The following ZBED1 variants were observed in gnomAD, a reference collection of about 807,000 sequenced individuals.
ZBED1 encodes E3 SUMO-protein ligase ZBED1.
Under a neutral mutation model 49.7 loss-of-function variants are expected in ZBED1, and 19 were observed. The ratio of observed to expected loss-of-function variants is 0.38; its 90% CI spans 0.27 to 0.56. ZBED1 has a LOEUF of 0.56. Among genes scored for constraint, ZBED1 ranks in the 20% least tolerant of loss-of-function variants. The probability of loss-of-function intolerance (pLI) is 0.70; values close to 1 mark genes in which losing one functional copy is unlikely to be tolerated. For missense variants in ZBED1, 806 were observed against 972.6 expected (o/e 0.83, Z 2.28); for synonymous variants, 439 against 440.3 (o/e 1.00, Z 0.04).
intron 1 of ZBED1, chrX:2,500,268 CCCT>C (rs2045382909): frequency 5.9e-6 from 1 of 168,718 alleles, no homozygotes; most frequent in Non-Finnish European, 1.3e-5. Flanking sequence ...CCTCTGGGCC[CCCT>C]CTGGAGACGT....
rs767431020 is a variant in ZBED1 at position 2,490,226 on chromosome X, C to T, written c.494G>A (p.Arg165Gln). Residue 165 changes from arginine (R) to glutamine (Q), a missense_variant, in exon 2 of 2, where the codon CGG becomes CAG. Physicochemically the swap from Arg to Gln is conservative, Grantham distance 43 (BLOSUM62 1). Around this residue, in one of 2 missense-constraint regions of ZBED1, gnomAD observed 749 missense variants for 861.3 expected, o/e 0.87. Coordinates refer to ENST00000652001, the MANE Select transcript of ZBED1 (RefSeq NM_001171136.2). ...GATGGCCTTGGTAGAGATGTACTTCCGGCTGGGCAGCTCATACCGGGGGTC... is the reference window on the plus strand; with the variant it reads ...GATGGCCTTGGTAGAGATGTACTTCTGGCTGGGCAGCTCATACCGGGGGTC... ...TADPRYELPS[R>Q]KYISTKAIPE... 3.6e-5 allele frequency: 58 copies of T among 1,613,948 alleles called. No individual in the cohort carries two copies. The highest frequency in any genetic ancestry group is 4.4e-5 in the Non-Finnish European group (52 of 1,179,874).
chrX:2,489,696 C>T lies in ZBED1; in HGVS notation c.1024G>A (p.Ala342Thr). 1.2e-6 allele frequency: 2 copies of T among 1,612,680 alleles called. No homozygotes were observed. Among genetic ancestry groups the T allele is most frequent in the Non-Finnish European group, 1.7e-6 (2 of 1,179,792 alleles). ...LYEKQKQQNV[A>T]HCMLVSNRVS... is the part of the protein sequence containing the mutation. ...CGGTTGCTCACCAGCATGCAGTGGG[C>T]CACGTTCTGCTGCTTCTGCTTCTCA... The change falls in exon 2 of 2, where the codon GCC becomes ACC. Residue 342 changes from alanine to threonine, a missense_variant. Ala to Thr is a moderately conservative substitution (Grantham distance 58). Coordinates refer to ENST00000652001, the MANE Select transcript of ZBED1 (RefSeq NM_001171136.2).
At chrX:2,500,330 G>T in intron 1 of ZBED1, 1 of 187,810 alleles carries the variant, frequency 5.3e-6, no homozygotes, top group Non-Finnish European at 1.1e-5. Context: ...GGTAGGGGTC[G>T]AGGTCCCTGG....
rs1362146824 is a variant in ZBED1 at position 2,490,746 on chromosome X, G to A, written c.-27C>T. The A allele has an allele frequency of 6.3e-7, 1 of 1,599,112 alleles. No homozygotes were observed. The highest frequency in any genetic ancestry group is 1.1e-5 in the South Asian group (1 of 88,796). On this transcript the variant is annotated 5_prime_UTR_variant, in exon 2 of 2. Transcript: ENST00000652001. ...GCTTCTCCACCGGAGCCTGCCTGCTGGACGGCTGCTCATGCGTGGGGACCT... is the reference window on the plus strand; with the variant it reads ...GCTTCTCCACCGGAGCCTGCCTGCTAGACGGCTGCTCATGCGTGGGGACCT...
intron 1 of ZBED1, among the ~76,000 whole-genome samples, chrX:2,491,683 C>A (rs1314235174): frequency 9.2e-5 from 14 of 152,234 alleles, no homozygotes; most frequent in African/African-American, 3.4e-4. Flanking sequence ...TGGAACGTCA[C>A]AGGTGCATCC....
chrX:2,498,813 C>T (rs923132520), intron 1 of ZBED1, among the ~76,000 whole-genome samples: 15 of 152,100 alleles, frequency 9.9e-5, no homozygotes, highest in Admixed American at 9.2e-4. Flanking sequence ...TAATCTTCTG[C>T]GAGACTCCAC....
Position 2,490,245 on chromosome X carries a change from G to A in ZBED1, c.475C>T (p.Arg159Trp), listed in dbSNP as rs372715050. ...TACTTCCGGCTGGGCAGCTCATACCGGGGGTCGGCCGTCTTCAGCAGCACC... is the reference window on the plus strand; with the variant it reads ...TACTTCCGGCTGGGCAGCTCATACCAGGGGTCGGCCGTCTTCAGCAGCACC... ...FKVLLKTADP[R>W]YELPSRKYIS... Residue 159 changes from arginine to tryptophan, a missense_variant, in exon 2 of 2, where the codon CGG becomes TGG. Coordinates refer to ENST00000652001, the MANE Select transcript of ZBED1 (RefSeq NM_001171136.2). 1.6e-5 allele frequency: 26 copies of A among 1,613,808 alleles called. No homozygotes were observed. Among genetic ancestry groups the A allele is most frequent in the Non-Finnish European group, 2.1e-5 (25 of 1,179,878 alleles).
chrX:2,489,485 G>A lies in ZBED1; in HGVS notation c.1235C>T (p.Ser412Leu), dbSNP rs778144341. The A allele has an allele frequency of 9.9e-6, 16 of 1,613,574 alleles. No individual in the cohort carries two copies. In the Admixed American group the frequency reaches 1.2e-4, roughly 12 times the overall value. Residue 412 changes from serine to leucine, a missense_variant, in exon 2 of 2, where the codon TCG (serine) becomes TTG (leucine). Physicochemically the swap from Ser to Leu is moderately radical, Grantham distance 145. Transcript: ENST00000652001. ...QPFKQVAEMLSASRYPTISMV... is the reference protein window; with the variant it reads ...QPFKQVAEMLLASRYPTISMV... ...GCTGATGGTGGGGTACCTGGAGGCCGACAGCATCTCGGCCACCTGCTTGAA... is the reference window on the plus strand; with the variant it reads ...GCTGATGGTGGGGTACCTGGAGGCCAACAGCATCTCGGCCACCTGCTTGAA...
Position 2,500,823 on chromosome X carries a change from C to A in ZBED1, c.-60G>T, listed in dbSNP as rs1467334631. The A allele has an allele frequency of 2.6e-6, 3 of 1,132,510 alleles. No individual in the cohort carries two copies. The highest frequency in any genetic ancestry group is 9.2e-5 in the East Asian group (2 of 21,680). 70.2% of individuals were successfully genotyped at this position (1,132,510 alleles called of 1,614,324 possible). On this transcript the variant is annotated 5_prime_UTR_variant, in exon 1 of 2. The change creates a premature stop within an existing upstream ORF in the 5' untranslated region. Coordinates refer to ENST00000652001, the MANE Select transcript of ZBED1 (RefSeq NM_001171136.2). ...CCTGCCCCGCCCCGCTGACCTGGCT[C>A]CAGGAAGCCCCCGCGGCAGCGCCGC...
intron 1 of ZBED1, among the ~76,000 whole-genome samples, chrX:2,493,936 C>T (rs1208666519): frequency 3.3e-5 from 5 of 151,920 alleles, no homozygotes. Context: ...GGCGCCATTG[C>T]ACTGTAGCCT....
In ZBED1 at chrX:2,490,391, A is replaced by T; in HGVS notation, c.329T>A (p.Leu110Gln). The change falls in exon 2 of 2, where the codon CTG becomes CAG. Residue 110 changes from leucine (L) to glutamine (Q), a missense_variant. Physicochemically the swap from Leu to Gln is moderately radical, Grantham distance 113 (BLOSUM62 -2). This residue lies in a region of ZBED1 where 749 missense variants were observed against 861.3 expected (regional missense o/e 0.87). Coordinates refer to ENST00000652001, the MANE Select transcript of ZBED1 (RefSeq NM_001171136.2). ...GTAGCCGTGGCCGGCCTTGACGGCC[A>T]GCGCGTCCTGCCCGGGCTGCTGGGA... ...ESSQQPGQDA[L>Q]AVKAGHGYDS... is the part of the protein sequence containing the mutation. 3 of 1,613,832 alleles carry T rather than the reference A, an allele frequency of 1.9e-6. No homozygotes were observed. Among genetic ancestry groups the T allele is most frequent in the Non-Finnish European group, 2.5e-6 (3 of 1,179,858 alleles).
chrX:2,489,720 C>T lies in ZBED1; in HGVS notation c.1000G>A (p.Glu334Lys). Residue 334 changes from glutamate (E) to lysine (K), a missense_variant, in exon 2 of 2, where the codon GAG (glutamate) becomes AAG (lysine). By Grantham distance (56) the Glu-to-Lys change is moderately conservative (BLOSUM62 1). Around this residue, in one of 2 missense-constraint regions of ZBED1, gnomAD observed 749 missense variants for 861.3 expected, o/e 0.87. Coordinates refer to ENST00000652001, the MANE Select transcript of ZBED1 (RefSeq NM_001171136.2). Reference sequence around the variant, plus strand: ...GCCACGTTCTGCTGCTTCTGCTTCTCATAGAGCATGTACATGGCCACGGCA... The same window carrying T: ...GCCACGTTCTGCTGCTTCTGCTTCTTATAGAGCATGTACATGGCCACGGCA... Reference protein sequence around the residue: ...QSAVAMYMLYEKQKQQNVAHC... With the variant: ...QSAVAMYMLYKKQKQQNVAHC... 1.9e-6 allele frequency: 3 copies of T among 1,613,010 alleles called. No individual in the cohort carries two copies. The East Asian group carries it at 6.7e-5, about 36-fold the overall frequency.
chrX:2,500,657 C>T (rs1224121995), intron 1 of ZBED1, 160 bp downstream of exon 1: 1 of 114,146 alleles, frequency 8.8e-6, no homozygotes, highest in Non-Finnish European at 1.8e-5. Context: ...GCACGCCGCC[C>T]CCCCCCCACC....
intron 1 of ZBED1, among the ~76,000 whole-genome samples, chrX:2,492,990 G>A (rs1254916321): frequency 4.6e-5 from 7 of 152,208 alleles, no homozygotes; most frequent in African/African-American, 9.6e-5. Context: ...TTCCGTCAAC[G>A]GTGCCCGCCC....
At chrX:2,500,958 GCCGCCCGCGGGACTCTGCGC>G (rs1180735612) in exon 1 of ZBED1, 1 of 1,007,566 alleles carries the variant, frequency 9.9e-7, no homozygotes, top group Non-Finnish European at 1.2e-6. Flanking sequence ...CCGCTTCCGC[GCCGCCCGCGGGACTCTGCGC>G]CCGCCCGCCC....
At position 2,490,120 on chromosome X, in the gene ZBED1, CAT is replaced by C. The variant is rs753139612; in HGVS notation, c.598_599del (p.Met200ValfsTer4). The C allele has an allele frequency of 1.2e-5, 20 of 1,613,848 alleles. No homozygotes were observed. Among genetic ancestry groups the C allele is most frequent in the Admixed American group, 1.0e-4 (6 of 60,010 alleles). ...CGCGGTTCTGATTCTCACTCCTCCA[CAT>C]GTCGGTGGAGATGCCACACCAGGTG... ...EATWCGISTDMWRSENQNRAY... is the reference protein window; with the variant it reads ...EATWCGISTDXWRSENQNRAY... On this transcript the variant is annotated frameshift_variant, in exon 2 of 2. Coordinates refer to ENST00000652001, the MANE Select transcript of ZBED1 (RefSeq NM_001171136.2). LOFTEE classifies it high-confidence loss of function.
chrX:2,500,189 C>T (rs2045381087), intron 1 of ZBED1: 1 of 152,476 alleles, frequency 6.6e-6, no homozygotes, highest in South Asian at 2.1e-4. Context: ...GCCAAGGAAA[C>T]AAAGTTGCCA....
Position 2,489,898 on chromosome X carries a change from G to A in ZBED1, c.822C>T (p.Asp274=). 1 of 1,613,902 alleles carries A rather than the reference G, an allele frequency of 6.2e-7. No individual in the cohort carries two copies. The highest frequency in any genetic ancestry group is 2.2e-5 in the East Asian group (1 of 44,868). ...VFGATTNYGK[D]IVKACSLLDV... ...CCAGCAGGGAGCACGCCTTCACGAT[G>A]TCCTTGCCATAGTTGGTGGTGGCCC... Residue 274 remains aspartate (D), a synonymous_variant, in exon 2 of 2, where the codon GAC becomes GAT. Transcript: ENST00000652001.
chrX:2,488,689 C>G lies in ZBED1; in HGVS notation c.2031G>C (p.Leu677Phe), dbSNP rs377710128. 6.2e-7 allele frequency: 1 copy of G among 1,613,532 alleles called. No homozygotes were observed. The highest frequency in any genetic ancestry group is 1.3e-5 in the African/African-American group (1 of 74,906). ...WGLDQEQVFS[L>F]GDGVSGGFFG... ...AGAAACCGCCGCTGACGCCATCCCCCAAGGAGAACACCTGCTCCTGGTCCA... is the reference window on the plus strand; with the variant it reads ...AGAAACCGCCGCTGACGCCATCCCCGAAGGAGAACACCTGCTCCTGGTCCA... The change falls in exon 2 of 2, where the codon TTG becomes TTC. Residue 677 changes from leucine to phenylalanine, a missense_variant. Transcript: ENST00000652001.
Sources: allele counts gnomAD v4.1 joint callset (sites outside exome capture counted in the v4.1 genomes callset), GRCh38; gene constraint gnomAD v4.1.1; regional missense constraint gnomAD v4.1.1; transcripts MANE v1.5; gene names NCBI Gene and HGNC (gene_info 2026-07-23, HGNC 2026-07-21).